The following DYNC1I1 variants were observed in gnomAD, a reference collection of about 807,000 sequenced individuals.
DYNC1I1 encodes the protein dynein cytoplasmic 1 intermediate chain 1.
A neutral mutation model predicts 86.6 loss-of-function variants in DYNC1I1; 43 were observed. The ratio of observed to expected loss-of-function variants is 0.50; its 90% CI spans 0.39 to 0.64. DYNC1I1 has a LOEUF of 0.64. DYNC1I1 is among the 30% of genes least tolerant of loss of function. The pLI, the probability that DYNC1I1 is intolerant of heterozygous loss-of-function variation, is 0.00. For missense variants in DYNC1I1, 604 were observed against 788.8 expected (o/e 0.77, Z 2.81); for synonymous variants, 262 against 283.7 (o/e 0.92, Z 0.77).
intron 6 of DYNC1I1, among the ~76,000 whole-genome samples, chr7:95,902,370 T>C (rs1791061530): frequency 6.6e-6 from 1 of 152,200 alleles, no homozygotes; most frequent in Non-Finnish European, 1.5e-5. Context: ...ATTATGTTTA[T>C]ATATATTTAA....
chr7:96,035,556 G>T (rs1362023500), intron 12 of DYNC1I1, 63 bp from the exon 13 acceptor site: 3 of 1,502,746 alleles, frequency 2.0e-6, no homozygotes, highest in African/African-American at 1.4e-5. Flanking sequence ...TGATTTTTCC[G>T]TGCTATCTTT....
At chr7:95,805,485 A>G (rs1794681023) in intron 2 of DYNC1I1, among the ~76,000 whole-genome samples, 2 of 152,152 alleles carry the variant, frequency 1.3e-5, no homozygotes, top group Non-Finnish European at 2.9e-5. Flanking sequence ...CTGAAATTTC[A>G]GAGACTTTCC....
chr7:95,844,650 G>A (rs1437899353), intron 5 of DYNC1I1, among the ~76,000 whole-genome samples: 2 of 151,982 alleles, frequency 1.3e-5, no homozygotes, highest in African/African-American at 2.4e-5. Context: ...AATCGTAGGG[G>A]TGTGGAAAAT....
intron 1 of DYNC1I1, among the ~76,000 whole-genome samples, chr7:95,781,801 C>T (rs1213548568): frequency 6.6e-6 from 1 of 152,200 alleles, no homozygotes; most frequent in Non-Finnish European, 1.5e-5. Context: ...TTATTCTTTA[C>T]ACCCTCCTCA....
intron 10 of DYNC1I1, among the ~76,000 whole-genome samples, chr7:96,019,242 C>A (rs1218357355): frequency 6.6e-6 from 1 of 151,800 alleles, no homozygotes; most frequent in Non-Finnish European, 1.5e-5. Flanking sequence ...TTGTAGTCAC[C>A]ATGTTGTACA....
At chr7:95,885,326 C>A (rs1290473271) in intron 6 of DYNC1I1, among the ~76,000 whole-genome samples, 1 of 151,856 alleles carries the variant, frequency 6.6e-6, no homozygotes, top group Admixed American at 6.6e-5. Flanking sequence ...CACCACCACA[C>A]CTGGCCAATT....
intron 6 of DYNC1I1, among the ~76,000 whole-genome samples, chr7:95,942,427 G>C (rs529526195): frequency 1.2e-4 from 19 of 152,182 alleles, no homozygotes; most frequent in Non-Finnish European, 2.2e-4. Flanking sequence ...ATTCACAGCC[G>C]AATTCTACCA....
intron 6 of DYNC1I1, among the ~76,000 whole-genome samples, chr7:95,936,956 T>TCACA (rs57989893): frequency 0.098 from 13,110 of 134,238 alleles, 1,307 homozygotes; most frequent in East Asian, 0.56. Flanking sequence ...AGAATATGTC[T>TCACA]CACACACACA....
chr7:95,853,305 T>A (rs956987785), intron 5 of DYNC1I1, among the ~76,000 whole-genome samples: 2 of 152,180 alleles, frequency 1.3e-5, no homozygotes, highest in African/African-American at 4.8e-5. Flanking sequence ...GGAATGGGTT[T>A]GTTATTATAA....
chr7:95,863,541 T>A (rs1789944616), intron 5 of DYNC1I1, among the ~76,000 whole-genome samples: 2 of 152,216 alleles, frequency 1.3e-5, no homozygotes, highest in Non-Finnish European at 1.5e-5. Flanking sequence ...GCCTTGATCT[T>A]AAGTCTCTGG....
At chr7:95,860,470 T>C (rs951245791) in intron 5 of DYNC1I1, among the ~76,000 whole-genome samples, 1 of 152,224 alleles carries the variant, frequency 6.6e-6, no homozygotes, top group Non-Finnish European at 1.5e-5. Flanking sequence ...CGATGAAATA[T>C]CGTGATGTGA....
intron 1 of DYNC1I1, among the ~76,000 whole-genome samples, chr7:95,776,432 G>T (rs897942431): frequency 2.6e-5 from 4 of 152,140 alleles, no homozygotes; most frequent in African/African-American, 9.7e-5. Flanking sequence ...TAAAAGGGAG[G>T]CATACGAATG....
rs1584216632 is a variant in DYNC1I1 at position 95,782,824 on chromosome 7, T to C, written c.-10+10051T>C. 2.0e-5 allele frequency among the ~76,000 whole-genome samples: 3 copies of C among 152,000 alleles called. No individual in the cohort carries two copies. The South Asian group carries it at 6.3e-4, about 32-fold the overall frequency. ...ATGGGGAGCTGGAAAGGGGATGGAG[T>C]GGGAAGATGATCTGCCCCTGGAGTT... On this transcript the variant is annotated intron_variant, in intron 1 of 16. Transcript: ENST00000447467.
intron 10 of DYNC1I1, among the ~76,000 whole-genome samples, chr7:96,020,634 A>G (rs1794523254): frequency 6.6e-6 from 1 of 152,184 alleles, no homozygotes; most frequent in Non-Finnish European, 1.5e-5. Flanking sequence ...CTACATTATG[A>G]TCTTGCATTT....
At chr7:96,029,518 G>C (rs779183477) in intron 11 of DYNC1I1, among the ~76,000 whole-genome samples, 41 of 152,128 alleles carry the variant, frequency 2.7e-4, no homozygotes, top group Non-Finnish European at 5.9e-4. Context: ...TTCAAAACCA[G>C]GAGCTCTTCC....
At chr7:96,058,529 A>G (rs1184853367) in intron 14 of DYNC1I1, among the ~76,000 whole-genome samples, 2 of 152,226 alleles carry the variant, frequency 1.3e-5, no homozygotes, top group African/African-American at 2.4e-5. Context: ...ACTATAGTTC[A>G]GTTACTGGGA....
chr7:95,909,722 C>T (rs540669662), intron 6 of DYNC1I1, among the ~76,000 whole-genome samples: 4 of 152,142 alleles, frequency 2.6e-5, no homozygotes, highest in Admixed American at 2.6e-4. Flanking sequence ...GTACAGAAAA[C>T]TCAACAGTGT....
intron 12 of DYNC1I1, among the ~76,000 whole-genome samples, chr7:96,034,848 A>G (rs2116011444): frequency 6.6e-6 from 1 of 152,308 alleles, no homozygotes; most frequent in Non-Finnish European, 1.5e-5. Context: ...GATACCTCAG[A>G]ATGATTTTTT....
chr7:95,914,447 T>C (rs1031843827), intron 6 of DYNC1I1, among the ~76,000 whole-genome samples: 1 of 152,260 alleles, frequency 6.6e-6, no homozygotes, highest in Non-Finnish European at 1.5e-5. Context: ...GGGTCAGTCA[T>C]GTCTTTTTTT....
Sources: allele counts gnomAD v4.1 joint callset (sites outside exome capture counted in the v4.1 genomes callset), GRCh38; gene constraint gnomAD v4.1.1; transcripts MANE v1.5; gene names NCBI Gene and HGNC (gene_info 2026-07-23, HGNC 2026-07-21).